PTPRG: variants seen among roughly 807,000 people sequenced by gnomAD.
PTPRG encodes the protein protein tyrosine phosphatase receptor type G, also known as receptor-type tyrosine-protein phosphatase gamma.
In PTPRG, 102 loss-of-function variants were observed where a neutral mutation model predicts 165.3. That is an observed-to-expected ratio of 0.62 (90% CI 0.53 to 0.73). PTPRG has a LOEUF of 0.73. Ranked by LOEUF, PTPRG falls within the 30% of genes least tolerant of loss-of-function variation. The pLI, the probability that PTPRG is intolerant of heterozygous loss-of-function variation, is 0.00. For missense variants in PTPRG, 1,866 were observed against 1,861.4 expected, an observed-to-expected ratio of 1.00 and a Z score of -0.05; for synonymous variants, 675 against 669.5, an observed-to-expected ratio of 1.01 and a Z score of -0.13.
At chr3:61,666,999 A>AC (rs952115990) in intron 1 of PTPRG, among the ~76,000 whole-genome samples, 7 of 151,988 alleles carry the variant, frequency 4.6e-5, no homozygotes, top group Non-Finnish European at 5.9e-5. Context: ...CCTCTCCCTT[A>AC]CCCCCCCAAT....
At position 62,293,352 on chromosome 3, in the gene PTPRG, G is replaced by C. The variant is rs1702967165; in HGVS notation, c.*45G>C. On this transcript the variant is annotated 3_prime_UTR_variant, in exon 30 of 30. Transcript: ENST00000474889. ...CTTAATTTGTAAACTTCTGAAGACTGAGAACTTTTTTGAGGCCTTTTTTGC... is the reference window on the plus strand; with the variant it reads ...CTTAATTTGTAAACTTCTGAAGACTCAGAACTTTTTTGAGGCCTTTTTTGC... The C allele has an allele frequency of 3.4e-6, 5 of 1,468,718 alleles. No individual in the cohort carries two copies. Among genetic ancestry groups the C allele is most frequent in the Non-Finnish European group, 4.5e-6 (5 of 1,109,802 alleles). 91.0% of individuals were successfully genotyped at this position (1,468,718 alleles called of 1,614,324 possible). A position where few individuals can be genotyped will look rare whatever the true frequency, so the allele number is the denominator to read the frequency against.
At chr3:61,821,687 G>C (rs56096401) in intron 2 of PTPRG, among the ~76,000 whole-genome samples, 12,425 of 152,218 alleles carry the variant, frequency 0.082, 699 homozygotes, top group South Asian at 0.16. Context: ...AAGTTAAAGA[G>C]ATATAAACAG....
In PTPRG at chr3:62,267,468, C is replaced by G. The variant is rs1272850764; in HGVS notation, c.2715C>G (p.Asp905Glu). Residue 905 changes from aspartate to glutamate, a missense_variant, in exon 18 of 30, where the codon GAC becomes GAG. Transcript: ENST00000474889. Reference sequence around the variant, plus strand: ...CAGGAAAAGACTCTAAGCACAGCGACTACATTAATGCAAACTATGTTGATG... The same window carrying G: ...CAGGAAAAGACTCTAAGCACAGCGAGTACATTAATGCAAACTATGTTGATG... The part of the protein sequence containing the change: ...PLPGKDSKHS[D>E]YINANYVDGY... 1 of 1,611,868 alleles carries G rather than the reference C, an allele frequency of 6.2e-7. No individual in the cohort carries two copies. The highest frequency in any genetic ancestry group is 1.1e-5 in the South Asian group (1 of 90,918).
At chr3:62,262,578 A>G (rs1701732349) in intron 16 of PTPRG, 1 of 401,172 alleles carries the variant, frequency 2.5e-6, no homozygotes, top group Non-Finnish European at 4.4e-6. Context: ...ACTAGAAAAA[A>G]GTAGATGATT....
chr3:62,178,781 T>A (rs1205523141), intron 8 of PTPRG, among the ~76,000 whole-genome samples: 1 of 152,212 alleles, frequency 6.6e-6, no homozygotes, highest in Non-Finnish European at 1.5e-5. Flanking sequence ...GAGTTTGATC[T>A]TCAAGGCCAA....
chr3:62,159,341 G>C (rs894964025), intron 7 of PTPRG, among the ~76,000 whole-genome samples: 2 of 151,952 alleles, frequency 1.3e-5, no homozygotes, highest in African/African-American at 2.4e-5. Flanking sequence ...AAAAAAAAGA[G>C]AAAGATTTGA....
chr3:62,005,222 A>G (rs551586762), intron 4 of PTPRG, among the ~76,000 whole-genome samples: 4 of 152,214 alleles, frequency 2.6e-5, no homozygotes, highest in Non-Finnish European at 4.4e-5. Flanking sequence ...CCTAGTCACA[A>G]TAACGATATC....
intron 1 of PTPRG, among the ~76,000 whole-genome samples, chr3:61,657,317 G>C (rs1021067681): frequency 1.5e-4 from 23 of 152,078 alleles, no homozygotes; most frequent in Non-Finnish European, 2.9e-5. Context: ...GGGAAGGTCA[G>C]TTAAGTTTTA....
chr3:61,700,151 C>G (rs1035845721), intron 1 of PTPRG, among the ~76,000 whole-genome samples: 2 of 152,194 alleles, frequency 1.3e-5, no homozygotes, highest in South Asian at 4.1e-4. Context: ...CTCTGTACCC[C>G]CTAAGGATTG....
In PTPRG at chr3:61,856,187, T is replaced by C. The variant is rs2037101431; in HGVS notation, c.190+107205T>C. 2.0e-5 allele frequency among the ~76,000 whole-genome samples: 3 copies of C among 152,054 alleles called. No homozygotes were observed. The South Asian group carries it at 6.2e-4, about 32-fold the overall frequency. On this transcript the variant is annotated intron_variant, in intron 2 of 29. Transcript: ENST00000474889. ...AAAATTTACCATTTTAACCACAGTG[T>C]ACCTCTCAGTGGCGCTTAGTATATT...
rs1365455746 is a variant in PTPRG at position 61,900,261 on chromosome 3, ATT to A, written c.191-89361_191-89360del. ...TGCTGACGCTAACCTCTACATCCACATTTTCCGGTTTGTTTTGTTTTGTATTT... is the reference window on the plus strand; with the variant it reads ...TGCTGACGCTAACCTCTACATCCACATTCCGGTTTGTTTTGTTTTGTATTT... On this transcript the variant is annotated intron_variant, in intron 2 of 29. Coordinates refer to ENST00000474889, the MANE Select transcript of PTPRG (RefSeq NM_002841.4). 2.0e-5 allele frequency among the ~76,000 whole-genome samples: 3 copies of A among 151,840 alleles called. No individual in the cohort carries two copies. In the East Asian group the frequency reaches 5.8e-4, roughly 29 times the overall value.
intron 3 of PTPRG, among the ~76,000 whole-genome samples, chr3:61,991,633 G>T (rs1313807712): frequency 6.6e-6 from 1 of 152,154 alleles, no homozygotes; most frequent in African/African-American, 2.4e-5. Flanking sequence ...TAGGATAACC[G>T]CAATGAGATT....
chr3:62,173,119 C>T (rs1705280347), intron 8 of PTPRG, among the ~76,000 whole-genome samples: 1 of 152,226 alleles, frequency 6.6e-6, no homozygotes, highest in Non-Finnish European at 1.5e-5. Flanking sequence ...TGAACACATC[C>T]TCCAGTATAC....
In PTPRG at chr3:62,195,035, C is replaced by T; in HGVS notation, c.1219-27C>T. The T allele has an allele frequency of 6.2e-7, 1 of 1,607,082 alleles. No homozygotes were observed. The highest frequency in any genetic ancestry group is 8.5e-7 in the Non-Finnish European group (1 of 1,173,612). Reference sequence around the variant, plus strand: ...TGTGCCTTGGCCTTCAAAACTAACTCACTGCTTTTTCCTTCTTTACTTACA... The same window carrying T: ...TGTGCCTTGGCCTTCAAAACTAACTTACTGCTTTTTCCTTCTTTACTTACA... On this transcript the variant is annotated intron_variant, in intron 9 of 29. Coordinates refer to ENST00000474889, the MANE Select transcript of PTPRG (RefSeq NM_002841.4). The surrounding 1 kb of genome is among the most constrained non-coding windows in gnomAD (Gnocchi z 4.4).
chr3:62,184,886 C>T (rs187923878), intron 8 of PTPRG, among the ~76,000 whole-genome samples: 9 of 151,972 alleles, frequency 5.9e-5, no homozygotes, highest in Admixed American at 2.6e-4. Context: ...TGTGAAACTC[C>T]GAGGGGGCAG....
chr3:61,765,048 C>T (rs1439473563), intron 2 of PTPRG, among the ~76,000 whole-genome samples: 3 of 152,316 alleles, frequency 2.0e-5, no homozygotes, highest in South Asian at 2.1e-4. Context: ...CAGAATCCAT[C>T]GTTTTTACAC....
chr3:61,629,420 C>CTGAGATTA (rs1701705638), intron 1 of PTPRG, among the ~76,000 whole-genome samples: 1 of 152,108 alleles, frequency 6.6e-6, no homozygotes, highest in Non-Finnish European at 1.5e-5. Context: ...TCCTAAAGTG[C>CTGAGATTA]CGAGATTACA....
intron 1 of PTPRG, among the ~76,000 whole-genome samples, chr3:61,718,104 T>C (rs1465493406): frequency 1.3e-5 from 2 of 151,034 alleles, no homozygotes; most frequent in East Asian, 3.9e-4. Flanking sequence ...GTTGCTTGAC[T>C]GGGTGGTGGA....
Position 62,075,662 on chromosome 3 carries a change from A to G in PTPRG, c.520-2501A>G, listed in dbSNP as rs372298788. On this transcript the variant is annotated intron_variant, in intron 4 of 29. Transcript: ENST00000474889. ...CCTGATTGCCCTCTTCACAGAAGAA[A>G]TGCCGTTGTATTCTTAGCATTTGAG... Among the ~76,000 whole-genome samples, 10 of 152,318 alleles carry G rather than the reference A, an allele frequency of 6.6e-5. No homozygotes were observed. In the East Asian group the frequency reaches 1.5e-3, roughly 23 times the overall value.
Sources: gnomAD v4.1 joint callset for allele counts (sites outside exome capture counted in the v4.1 genomes callset) on GRCh38, gnomAD v4.1.1 for gene constraint, Gnocchi (gnomAD v3.1) non-coding constraint, MANE v1.5 for transcripts, NCBI Gene and HGNC (gene_info 2026-07-23, HGNC 2026-07-21) for gene names.